Variants in PAG1 observed in about 807,000 individuals in gnomAD.
PAG1 encodes phosphoprotein membrane anchor with glycosphingolipid microdomains 1.
PAG1 carries 23 observed loss-of-function variants against 31.7 expected under a neutral mutation model. The ratio of observed to expected loss-of-function variants is 0.73; its 90% confidence interval spans 0.52 to 1.03. PAG1 has a LOEUF of 1.03. PAG1 is among the 50% of genes least tolerant of loss of function. PAG1 has a pLI of 0.00. For synonymous variants in PAG1, 214 were observed against 210.3 expected, an observed-to-expected ratio of 1.02 and a Z score of -0.15; for missense variants, 473 against 540.7, an observed-to-expected ratio of 0.87 and a Z score of 1.24.
At position 81,007,351 on chromosome 8, in the gene PAG1, C is replaced by T. The variant is rs189182760; in HGVS notation, c.-80-14044G>A. On this transcript the variant is annotated intron_variant, in intron 3 of 8. Coordinates refer to ENST00000220597, the MANE Select transcript of PAG1 (RefSeq NM_018440.4). ...AAAATAGGCCAGGCATGGTGGCTCA[C>T]GCCTATAATCCCAGCACTTTGGGAG... Among the ~76,000 whole-genome samples the T allele has an allele frequency of 3.7e-3, 564 of 151,802 alleles. 2 individuals carry two copies. The highest frequency in any genetic ancestry group is 0.013 in the African/African-American group (532 of 41,394).
At chr8:81,075,865 G>A (rs1563421359) in intron 1 of PAG1, among the ~76,000 whole-genome samples, 3 of 152,224 alleles carry the variant, frequency 2.0e-5, no homozygotes, top group African/African-American at 7.2e-5. Context: ...CTTGAGTTGA[G>A]AAGGTGTAAA....
intron 1 of PAG1, among the ~76,000 whole-genome samples, chr8:81,108,680 A>G (rs1329307452): frequency 2.0e-5 from 3 of 152,146 alleles, no homozygotes; most frequent in African/African-American, 7.2e-5. Flanking sequence ...CAAAAATGCC[A>G]TGACCTCTCA....
chr8:81,104,771 C>T (rs79697035), intron 1 of PAG1, among the ~76,000 whole-genome samples: 4,163 of 152,202 alleles, frequency 0.027, 177 homozygotes, highest in African/African-American at 0.091. Context: ...TAAATCCACA[C>T]CAGTATTCAA....
At chr8:81,004,664 T>A (rs1056285831) in intron 3 of PAG1, among the ~76,000 whole-genome samples, 1 of 152,252 alleles carries the variant, frequency 6.6e-6, no homozygotes, top group African/African-American at 2.4e-5. Flanking sequence ...AGCCACAAGT[T>A]CTTTCACTTC....
At chr8:81,036,534 T>C (rs1189680976) in intron 2 of PAG1, among the ~76,000 whole-genome samples, 2 of 152,210 alleles carry the variant, frequency 1.3e-5, no homozygotes, top group African/African-American at 2.4e-5. Context: ...CAGTCCATAG[T>C]AATCATGCAA....
At chr8:80,978,162 T>C (rs144089328) in intron 8 of PAG1, among the ~76,000 whole-genome samples, 83 of 152,258 alleles carry the variant, frequency 5.5e-4, no homozygotes, top group African/African-American at 1.9e-3. Context: ...GGTGGCTGGC[T>C]CAGTTTGGTG....
chr8:80,987,603 C>G, intron 5 of PAG1, 137 bp from the exon 6 acceptor site: 1 of 618,908 alleles, frequency 1.6e-6, no homozygotes. Context: ...TATAATAGTC[C>G]CCCCTTATCT....
intron 6 of PAG1, among the ~76,000 whole-genome samples, chr8:80,986,654 C>G (rs1444623677): frequency 6.6e-6 from 1 of 152,126 alleles, no homozygotes; most frequent in Non-Finnish European, 1.5e-5. Context: ...ATTCCTGGAA[C>G]TTGTGAATGT....
rs532195975 is a variant in PAG1 at position 81,053,747 on chromosome 8, T to C, written c.-175+16365A>G. Among the ~76,000 whole-genome samples the C allele has an allele frequency of 7.9e-5, 12 of 152,190 alleles. No homozygotes were observed. The East Asian group carries it at 1.9e-3, about 25-fold the overall frequency. On this transcript the variant is annotated intron_variant, in intron 2 of 8. Transcript: ENST00000220597. ...GAGGAACTGATTTCAGGGTGGGAAA[T>C]GGACATTTGAAGAAATCAGGTTGGA...
chr8:81,101,371 A>G (rs1809607689), intron 1 of PAG1, among the ~76,000 whole-genome samples: 1 of 152,224 alleles, frequency 6.6e-6, no homozygotes, highest in Admixed American at 6.5e-5. Context: ...ATATGTACAA[A>G]TATTTATCAG....
chr8:81,095,503 C>A (rs1434587283), intron 1 of PAG1, among the ~76,000 whole-genome samples: 3 of 152,198 alleles, frequency 2.0e-5, no homozygotes, highest in Non-Finnish European at 4.4e-5. Flanking sequence ...TTCATGCAAA[C>A]CCTGGTTGTT....
At chr8:80,976,973 A>ATACTG in intron 8 of PAG1, 67 bp from the exon 9 acceptor site, 1 of 1,466,178 alleles carries the variant, frequency 6.8e-7, no homozygotes, top group Non-Finnish European at 9.3e-7. Flanking sequence ...TTTTAGTGAC[A>ATACTG]AGCTACATAC....
intron 1 of PAG1, among the ~76,000 whole-genome samples, chr8:81,106,473 T>G (rs1586223753): frequency 6.6e-6 from 1 of 152,170 alleles, no homozygotes; most frequent in Admixed American, 6.5e-5. Context: ...AATTTCCCTG[T>G]CTTCTGCAAT....
At chr8:81,031,968 A>G (rs751089004) in intron 2 of PAG1, among the ~76,000 whole-genome samples, 2 of 152,246 alleles carry the variant, frequency 1.3e-5, no homozygotes, top group Non-Finnish European at 2.9e-5. Context: ...CAACGGGGAA[A>G]GAACAGGCTT....
Position 80,973,810 on chromosome 8 carries a change from A to C in PAG1, c.*2734T>G, listed in dbSNP as rs2130298181. The C allele has an allele frequency of 7.5e-6, 1 of 132,932 alleles. No individual in the cohort carries two copies. Among genetic ancestry groups the C allele is most frequent in the Admixed American group, 8.4e-5 (1 of 11,916 alleles). 8.2% of individuals were successfully genotyped at this position (132,932 alleles called of 1,614,324 possible). On this transcript the variant is annotated 3_prime_UTR_variant, in exon 9 of 9. Coordinates refer to ENST00000220597, the MANE Select transcript of PAG1 (RefSeq NM_018440.4). ...AAAAACTATACTGTACAGTCAAAAC[A>C]GTGATGGTGCCTCAGTAAATAACTT...
chr8:81,098,304 C>G (rs968938642), intron 1 of PAG1, among the ~76,000 whole-genome samples: 2 of 152,216 alleles, frequency 1.3e-5, no homozygotes, highest in Admixed American at 6.5e-5. Context: ...TAATTTGCAA[C>G]AAGTCTTTAA....
chr8:81,019,886 C>T (rs1808133111), intron 3 of PAG1, among the ~76,000 whole-genome samples: 1 of 152,162 alleles, frequency 6.6e-6, no homozygotes, highest in African/African-American at 2.4e-5. Flanking sequence ...ACACTCAACA[C>T]CAGCCTGTGA....
intron 2 of PAG1, among the ~76,000 whole-genome samples, chr8:81,049,896 A>C (rs1223739343): frequency 6.6e-6 from 1 of 152,162 alleles, no homozygotes; most frequent in African/African-American, 2.4e-5. Context: ...ATACATTTGG[A>C]GATTCAGTAA....
At chr8:80,989,643 T>C (rs1279684488) in intron 5 of PAG1, among the ~76,000 whole-genome samples, 1 of 152,096 alleles carries the variant, frequency 6.6e-6, no homozygotes, top group African/African-American at 2.4e-5. Flanking sequence ...AGCCAGCTTT[T>C]TCCTTTTATC....
Sources: gnomAD v4.1 joint callset for allele counts (sites outside exome capture counted in the v4.1 genomes callset) on GRCh38, gnomAD v4.1.1 for gene constraint, MANE v1.5 for transcripts, NCBI Gene and HGNC (gene_info 2026-07-23, HGNC 2026-07-21) for gene names.